The following RIGI variants were observed in gnomAD, a reference collection of about 807,000 sequenced individuals.
RIGI encodes the protein RNA sensor RIG-I.
chr9:32,472,429 C>T, the RIGI span, among the ~76,000 whole-genome samples: 1 of 152,190 alleles, frequency 6.6e-6, no homozygotes, highest in South Asian at 2.1e-4. Flanking sequence ...TTGGCTAGGC[C>T]AAACAACAGT....
chr9:32,473,119 A>C, the RIGI span: 2 of 1,307,134 alleles, frequency 1.5e-6, no homozygotes, highest in African/African-American at 3.0e-5. Context: ...CATTTGTATT[A>C]ATTCAATATT....
At chr9:32,481,065 A>C in the RIGI span, among the ~76,000 whole-genome samples, 1 of 152,214 alleles carries the variant, frequency 6.6e-6, no homozygotes, top group Non-Finnish European at 1.5e-5. Flanking sequence ...ACAATCACCC[A>C]ATTTTTTCCA....
At chr9:32,485,804 G>T in the RIGI span, among the ~76,000 whole-genome samples, 14 of 152,012 alleles carry the variant, frequency 9.2e-5, no homozygotes. Flanking sequence ...CTCCCAAAGT[G>T]CTGGGATTAC....
At chr9:32,463,120 A>G in the RIGI span, among the ~76,000 whole-genome samples, 2 of 152,186 alleles carry the variant, frequency 1.3e-5, no homozygotes, top group Non-Finnish European at 2.9e-5. Context: ...TCAAAAAAAT[A>G]AATAAGAAAT....
chr9:32,501,893 CAACAAT>C, the RIGI span, among the ~76,000 whole-genome samples: 2 of 152,170 alleles, frequency 1.3e-5, no homozygotes, highest in African/African-American at 4.8e-5. Context: ...TCTGTCTTGA[CAACAAT>C]AAAATCAACC....
chr9:32,520,503 C>G, the RIGI span, among the ~76,000 whole-genome samples: 1 of 152,094 alleles, frequency 6.6e-6, no homozygotes, highest in African/African-American at 2.4e-5. Flanking sequence ...CCAAATGAAG[C>G]CTCGTCTTCA....
the RIGI span, among the ~76,000 whole-genome samples, chr9:32,522,149 G>T: frequency 2.0e-5 from 3 of 151,990 alleles, no homozygotes; most frequent in African/African-American, 7.2e-5. Flanking sequence ...GGAGTTGATT[G>T]CATGGACTGA....
At chr9:32,500,898 G>C in the RIGI span, 3 of 1,613,878 alleles carry the variant, frequency 1.9e-6, no homozygotes, top group Non-Finnish European at 2.5e-6. Context: ...GCCTCCATTG[G>C]GCCCTTGTTG....
chr9:32,500,213 G>A, the RIGI span, among the ~76,000 whole-genome samples: 2 of 152,086 alleles, frequency 1.3e-5, no homozygotes, highest in Admixed American at 1.3e-4. Context: ...TTGTTGGGTC[G>A]TAATTCTTCC....
the RIGI span, among the ~76,000 whole-genome samples, chr9:32,479,732 G>A: frequency 2.6e-5 from 4 of 151,560 alleles, no homozygotes; most frequent in African/African-American, 7.3e-5. Flanking sequence ...GGCTACTCGG[G>A]AGGCTGAGAC....
At chr9:32,503,747 A>AT in the RIGI span, among the ~76,000 whole-genome samples, 3 of 152,132 alleles carry the variant, frequency 2.0e-5, no homozygotes, top group Non-Finnish European at 2.9e-5. Flanking sequence ...CCAAAATACT[A>AT]TAAAAAATCT....
the RIGI span, among the ~76,000 whole-genome samples, chr9:32,523,443 T>C: frequency 6.6e-6 from 1 of 152,148 alleles, no homozygotes; most frequent in Non-Finnish European, 1.5e-5. Context: ...CTCCTCCTCC[T>C]GCAAACCTGT....
chr9:32,509,922 C>A, the RIGI span, among the ~76,000 whole-genome samples: 10 of 151,714 alleles, frequency 6.6e-5, 1 homozygote, highest in African/African-American at 2.4e-4. Flanking sequence ...AAACACAGCA[C>A]GAGAACTTTG....
the RIGI span, among the ~76,000 whole-genome samples, chr9:32,518,384 TAA>T: frequency 2.1e-5 from 3 of 140,348 alleles, no homozygotes; most frequent in Admixed American, 7.2e-5. Context: ...AATGACTGTT[TAA>T]AAAAAAAAAA....
At chr9:32,477,088 A>G in the RIGI span, 17 of 1,613,730 alleles carry the variant, frequency 1.1e-5, no homozygotes, top group Non-Finnish European at 1.4e-5. Flanking sequence ...TAGGATTCTC[A>G]TTGCTGGGAT....
At chr9:32,501,893 C>G in the RIGI span, among the ~76,000 whole-genome samples, 1 of 152,170 alleles carries the variant, frequency 6.6e-6, no homozygotes, top group Non-Finnish European at 1.5e-5. Flanking sequence ...TCTGTCTTGA[C>G]AACAATAAAA....
At chr9:32,520,212 C>A in the RIGI span, among the ~76,000 whole-genome samples, 1 of 151,766 alleles carries the variant, frequency 6.6e-6, no homozygotes. Context: ...GGCTCTAGGT[C>A]ACAGTTTTGT....
the RIGI span, among the ~76,000 whole-genome samples, chr9:32,513,771 T>C: frequency 6.6e-6 from 1 of 152,160 alleles, no homozygotes; most frequent in African/African-American, 2.4e-5. Context: ...CTAAAGAAAC[T>C]ATCATCAGAA....
chr9:32,481,350 G>C, the RIGI span: 5 of 1,611,868 alleles, frequency 3.1e-6, no homozygotes, highest in Admixed American at 3.4e-5. Context: ...CCGCAAATGT[G>C]AAGTGTATAA....
Sources: allele counts gnomAD v4.1 joint callset (sites outside exome capture counted in the v4.1 genomes callset), GRCh38; gene constraint gnomAD v4.1.1; transcripts MANE v1.5; gene names NCBI Gene and HGNC (gene_info 2026-07-23, HGNC 2026-07-21).